Variants in TTI1 observed in about 807,000 individuals in gnomAD.
TTI1 encodes the protein TELO2-interacting protein 1 homolog.
In TTI1, 52 loss-of-function variants were observed where a neutral mutation model predicts 85.4. That is an observed-to-expected ratio of 0.61 (90% CI 0.49 to 0.77). The LOEUF is 0.77. TTI1 is among the 30% of genes least tolerant of loss of function. The pLI is 0.00. For synonymous variants in TTI1, 512 were observed against 503.9 expected (o/e 1.02, Z -0.22); for missense variants, 1,173 against 1,296.0 (o/e 0.91, Z 1.46).
In TTI1 at chr20:38,012,666, G is replaced by C; in HGVS notation, c.1151C>G (p.Ser384Cys). The stretch of plus-strand genomic sequence containing the variant: ...TTGGGAGTTCATTAGGCGAGGAAGA[G>C]ATGTGGCAAGGGAATGCAGGCTTTC... ...LSESLHSLAT[S>C]LPRLMNSQDD... The change falls in exon 2 of 8, where the codon TCT becomes TGT. Residue 384 changes from serine (S) to cysteine (C), a missense_variant. Physicochemically the swap from Ser to Cys is moderately radical, Grantham distance 112. Transcript: ENST00000373447. 1 of 1,614,240 alleles carries C rather than the reference G, an allele frequency of 6.2e-7. No homozygotes were observed. The highest frequency in any genetic ancestry group is 8.5e-7 in the Non-Finnish European group (1 of 1,180,052).
At chr20:38,005,899 C>T (rs1462296899) in intron 3 of TTI1, 4 of 363,164 alleles carry the variant, frequency 1.1e-5, no homozygotes, top group Non-Finnish European at 2.1e-5. Flanking sequence ...AAATGTCCTA[C>T]AGGGGATGGA....
At chr20:38,010,528 T>C (rs1246205621) in intron 2 of TTI1, among the ~76,000 whole-genome samples, 1 of 146,384 alleles carries the variant, frequency 6.8e-6, no homozygotes, top group Admixed American at 7.1e-5. Context: ...TGGAGTGCAG[T>C]GGCGCGATCT....
At chr20:37,990,141 A>G (rs1406855564) in intron 7 of TTI1, among the ~76,000 whole-genome samples, 1 of 152,210 alleles carries the variant, frequency 6.6e-6, no homozygotes, top group Non-Finnish European at 1.5e-5. Flanking sequence ...TGTATTGTCT[A>G]TATTAACCTC....
chr20:37,996,324 T>C, intron 7 of TTI1, 51 bp downstream of exon 7: 2 of 1,593,652 alleles, frequency 1.3e-6, no homozygotes, highest in Non-Finnish European at 1.7e-6. Context: ...TAGCAAATCA[T>C]CTGTAATTTA....
rs1438331119 is a variant in TTI1, at chr20:38,011,885, G to A, written c.1932C>T (p.Asp644=). ...GGGCTGACATCAAGAGCAAACAGAAGTCTTTTCCTAGTGCATATGCAAACT... is the reference window on the plus strand; with the variant it reads ...GGGCTGACATCAAGAGCAAACAGAAATCTTTTCCTAGTGCATATGCAAACT... The part of the protein sequence containing the change: ...IGQFAYALGK[D]FCLLLMSALY... Residue 644 remains aspartate (D), a synonymous_variant, in exon 2 of 8, where the codon GAC becomes GAT. Transcript: ENST00000373447. The A allele has an allele frequency of 2.5e-6, 4 of 1,614,124 alleles. No homozygotes were observed. Among genetic ancestry groups the A allele is most frequent in the Admixed American group, 1.7e-5 (1 of 60,016 alleles).
intron 1 of TTI1, among the ~76,000 whole-genome samples, chr20:38,020,321 A>ATATATATATATATATATAT (rs1443587921): frequency 1.9e-3 from 79 of 42,642 alleles, no homozygotes; most frequent in African/African-American, 5.0e-3. Context: ...AAAAAAAAAA[A>ATATATATATATATATATAT]AAATATATAT....
intron 1 of TTI1, among the ~76,000 whole-genome samples, chr20:38,032,217 C>T (rs13041430): frequency 0.036 from 5,430 of 152,268 alleles, 140 homozygotes; most frequent in Non-Finnish European, 0.048. Context: ...TACCTCACAG[C>T]TTTGTTGTGA....
At chr20:38,020,983 A>T (rs2073763978) in intron 1 of TTI1, among the ~76,000 whole-genome samples, 1 of 152,236 alleles carries the variant, frequency 6.6e-6, no homozygotes, top group African/African-American at 2.4e-5. Context: ...TCTATGATCT[A>T]GCAATTCCAT....
At chr20:38,024,082 C>A (rs967270870) in intron 1 of TTI1, among the ~76,000 whole-genome samples, 3 of 152,184 alleles carry the variant, frequency 2.0e-5, no homozygotes, top group Middle Eastern at 3.4e-3. Flanking sequence ...TAGACAGGAC[C>A]TTTTTTGCTA....
chr20:38,018,660 GAA>G (rs992691570), intron 1 of TTI1, among the ~76,000 whole-genome samples: 7 of 151,698 alleles, frequency 4.6e-5, no homozygotes, highest in African/African-American at 1.7e-4. Context: ...GAAAAACAAA[GAA>G]AAAGAGGAAA....
intron 7 of TTI1, among the ~76,000 whole-genome samples, chr20:37,984,551 C>A (rs568443987): frequency 6.6e-6 from 1 of 152,190 alleles, no homozygotes; most frequent in Admixed American, 6.5e-5. Context: ...CAATTCAGTC[C>A]GACTTGGCAA....
chr20:38,028,807 C>T (rs2073868969), intron 1 of TTI1, among the ~76,000 whole-genome samples: 1 of 152,190 alleles, frequency 6.6e-6, no homozygotes, highest in Non-Finnish European at 1.5e-5. Flanking sequence ...TTCCTGAGCT[C>T]AAGCAATCCT....
At chr20:37,993,793 A>G (rs1406035958) in intron 7 of TTI1, among the ~76,000 whole-genome samples, 1 of 152,188 alleles carries the variant, frequency 6.6e-6, no homozygotes, top group Non-Finnish European at 1.5e-5. Flanking sequence ...CAAGGTTCCC[A>G]CTTGGGCCCT....
intron 1 of TTI1, among the ~76,000 whole-genome samples, chr20:38,031,994 G>A (rs1017022425): frequency 1.3e-5 from 2 of 152,128 alleles, no homozygotes; most frequent in East Asian, 1.9e-4. Context: ...TCTAGATTTC[G>A]ACACAAAAGC....
chr20:38,026,645 C>T (rs1428257522), intron 1 of TTI1, among the ~76,000 whole-genome samples: 3 of 152,152 alleles, frequency 2.0e-5, no homozygotes, highest in African/African-American at 7.2e-5. Context: ...GAGAATTTGT[C>T]ACCAGCCGAC....
At chr20:37,986,460 T>C (rs1478540112) in intron 7 of TTI1, among the ~76,000 whole-genome samples, 1 of 152,246 alleles carries the variant, frequency 6.6e-6, no homozygotes, top group African/African-American at 2.4e-5. Flanking sequence ...TTGTGCAAAG[T>C]TCACCTTCTT....
At chr20:37,986,150 A>AT (rs560013456) in intron 7 of TTI1, among the ~76,000 whole-genome samples, 128 of 152,176 alleles carry the variant, frequency 8.4e-4, no homozygotes, top group Non-Finnish European at 1.4e-3. Context: ...GTTTCATTTG[A>AT]TTTTTTCCCC....
rs541549028 is a variant in TTI1, at chr20:38,016,527, T to C, written c.-41-2670A>G. Among the ~76,000 whole-genome samples the C allele has an allele frequency of 9.8e-4, 150 of 152,356 alleles. 1 individual carries two copies. Among genetic ancestry groups the C allele is most frequent in the African/African-American group, 3.4e-3 (143 of 41,586 alleles). ...ATGGGAATACACAGTATGTCTAACA[T>C]TGACCTCATCGCTTTCTGCCATATT... is the stretch of plus-strand genomic sequence containing the variant. On this transcript the variant is annotated intron_variant, in intron 1 of 7. Transcript: ENST00000373447.
Position 38,013,184 on chromosome 20 carries a change from A to T in TTI1, c.633T>A (p.Pro211=). 6.2e-7 allele frequency: 1 copy of T among 1,614,186 alleles called. No homozygotes were observed. Among genetic ancestry groups the T allele is most frequent in the East Asian group, 2.2e-5 (1 of 44,886 alleles). The change falls in exon 2 of 8, where the codon CCT becomes CCA. Residue 211 remains proline (P), a synonymous_variant. Transcript: ENST00000373447. The part of the protein sequence containing the change: ...QLGDLFASFL[P]GISTALTRLI... ...GCCTGGTCAGTGCAGTTGAGATTCCAGGTAAAAAAGAGGCAAACAAATCCC... is the reference window on the plus strand; with the variant it reads ...GCCTGGTCAGTGCAGTTGAGATTCCTGGTAAAAAAGAGGCAAACAAATCCC...
Sources: gnomAD v4.1 joint callset for allele counts (sites outside exome capture counted in the v4.1 genomes callset) on GRCh38, gnomAD v4.1.1 for gene constraint, MANE v1.5 for transcripts, NCBI Gene and HGNC (gene_info 2026-07-23, HGNC 2026-07-21) for gene names.